The following RPS6KA5 variants were observed in gnomAD, a reference collection of about 807,000 sequenced individuals.
RPS6KA5 encodes ribosomal protein S6 kinase alpha-5.
In RPS6KA5, 27 loss-of-function variants were observed where a neutral mutation model predicts 85.5. That is an observed-to-expected ratio of 0.32 (90% CI 0.23 to 0.44). The LOEUF (loss-of-function observed/expected upper bound fraction) is 0.44. Ranked by LOEUF, RPS6KA5 falls within the 20% of genes least tolerant of loss-of-function variation. The pLI, the probability that RPS6KA5 is intolerant of heterozygous loss-of-function variation, is 1.00. For synonymous variants in RPS6KA5, 334 were observed against 348.2 expected (o/e 0.96, Z 0.46); for missense variants, 811 against 980.9 (o/e 0.83, Z 2.31).
chr14:91,001,753 T>C (rs1426519961), intron 1 of RPS6KA5, among the ~76,000 whole-genome samples: 1 of 152,244 alleles, frequency 6.6e-6, no homozygotes, highest in Non-Finnish European at 1.5e-5. Context: ...ATATAAACTC[T>C]TCAAAGATAT....
At chr14:90,891,941 GA>G (rs2034585517) in intron 13 of RPS6KA5, among the ~76,000 whole-genome samples, 1 of 151,794 alleles carries the variant, frequency 6.6e-6, no homozygotes, top group Admixed American at 6.6e-5. Context: ...TAAGTCTTTG[GA>G]AATGACCATG....
chr14:90,998,300 G>A (rs1813894856), intron 2 of RPS6KA5, among the ~76,000 whole-genome samples: 1 of 152,162 alleles, frequency 6.6e-6, no homozygotes, highest in Non-Finnish European at 1.5e-5. Flanking sequence ...TAAAATTGCT[G>A]CACAACTTTG....
chr14:90,900,815 T>C (rs954882791), intron 9 of RPS6KA5, 79 bp from the exon 10 acceptor site: 2 of 1,270,082 alleles, frequency 1.6e-6, no homozygotes, highest in Non-Finnish European at 2.1e-6. Context: ...GTAATGACTT[T>C]TTTTCCTTAG....
chr14:90,933,345 C>G (rs1243418538), intron 5 of RPS6KA5, among the ~76,000 whole-genome samples: 9 of 152,108 alleles, frequency 5.9e-5, no homozygotes, highest in Non-Finnish European at 1.5e-5. Flanking sequence ...CCTCTTGTAA[C>G]CCCAGATAGC....
intron 5 of RPS6KA5, among the ~76,000 whole-genome samples, chr14:90,933,223 A>C (rs58322998): frequency 0.042 from 6,408 of 152,270 alleles, 436 homozygotes; most frequent in African/African-American, 0.15. Flanking sequence ...CCAAATTCAT[A>C]GATCCAGACC....
intron 1 of RPS6KA5, among the ~76,000 whole-genome samples, chr14:91,004,230 C>A (rs1239620119): frequency 6.6e-6 from 1 of 152,176 alleles, no homozygotes; most frequent in Non-Finnish European, 1.5e-5. Context: ...GGCCTACAGG[C>A]GCCCGCCACC....
At position 90,851,576 on chromosome 14, in the gene RPS6KA5, G is replaced by A. The variant is rs993595103; in HGVS notation, c.*20498C>T. 1 of 151,974 alleles carries A rather than the reference G, an allele frequency of 6.6e-6. No individual in the cohort carries two copies. Among genetic ancestry groups the A allele is most frequent in the Non-Finnish European group, 1.5e-5 (1 of 68,012 alleles). 9.4% of individuals were successfully genotyped at this position (151,974 alleles called of 1,614,324 possible). On this transcript the variant is annotated 3_prime_UTR_variant, in exon 17 of 17. Coordinates refer to ENST00000614987, the MANE Select transcript of RPS6KA5 (RefSeq NM_004755.4). ...GGGTCACCAAGTCTGCAGCTAAGCT[G>A]GAAATAAAGTACCAAACTGCCTTTT...
chr14:91,060,332 C>G lies in RPS6KA5; in HGVS notation c.103G>C (p.Ala35Pro), dbSNP rs1190194033. ...GCCGGCAGAGGGCGGGGTCGCTCAC[C>G]AGTCCGCAGCTCGTGCTTGACAGTG... ...LLTVKHELRT[A>P]NLTGHAEKVG... The change falls in exon 1 of 17, where the codon GCT becomes CCT. Residue 35 changes from alanine (A) to proline (P), a missense_variant and splice_region_variant. Transcript: ENST00000614987. 7.3e-7 allele frequency: 1 copy of G among 1,375,736 alleles called. No individual in the cohort carries two copies. Among genetic ancestry groups the G allele is most frequent in the Non-Finnish European group, 9.5e-7 (1 of 1,054,896 alleles). The allele number at this position is 1,375,736 out of a possible 1,614,324, so 85.2% of individuals were successfully genotyped here.
intron 1 of RPS6KA5, among the ~76,000 whole-genome samples, chr14:91,043,937 T>A (rs1032823794): frequency 6.6e-6 from 1 of 152,120 alleles, no homozygotes; most frequent in South Asian, 2.1e-4. Flanking sequence ...AAGAAAATTA[T>A]CCAAGTAGGC....
chr14:90,978,359 A>C lies in RPS6KA5; in HGVS notation c.341T>G (p.Leu114Trp). ...VLEHIRQSPF[L>W]VTLHYAFQTE... The stretch of plus-strand genomic sequence containing the variant: ...CTGGAAAGCATAATGTAATGTTACC[A>C]AAAATGGCGACTGCCTAATGTGTTC... The change falls in exon 3 of 17, where the codon TTG becomes TGG. Residue 114 changes from leucine (L) to tryptophan (W), a missense_variant. This residue lies in a region of RPS6KA5 where 48 missense variants were observed against 87.6 expected (regional missense o/e 0.55). Transcript: ENST00000614987. 6.2e-7 allele frequency: 1 copy of C among 1,613,100 alleles called. No homozygotes were observed. The highest frequency in any genetic ancestry group is 8.5e-7 in the Non-Finnish European group (1 of 1,179,670).
At chr14:90,887,231 G>C (rs968648211) in intron 14 of RPS6KA5, among the ~76,000 whole-genome samples, 1 of 152,192 alleles carries the variant, frequency 6.6e-6, no homozygotes, top group South Asian at 2.1e-4. Flanking sequence ...ACCCACTGTG[G>C]AGTGTGGTAG....
intron 1 of RPS6KA5, among the ~76,000 whole-genome samples, chr14:91,030,436 G>A (rs1192157589): frequency 6.6e-6 from 1 of 151,956 alleles, no homozygotes; most frequent in Admixed American, 6.6e-5. Flanking sequence ...ACAAACTTGG[G>A]TAAAAGTTGT....
chr14:90,970,048 T>C (rs2039249657), intron 3 of RPS6KA5, among the ~76,000 whole-genome samples: 1 of 152,186 alleles, frequency 6.6e-6, no homozygotes, highest in Admixed American at 6.5e-5. Flanking sequence ...CTATCTAAAA[T>C]ATAGTCTTAA....
chr14:91,052,465 TAAA>T (rs71120103), intron 1 of RPS6KA5: 1,141 of 132,270 alleles, frequency 8.6e-3, no homozygotes, highest in South Asian at 0.034. Context: ...ACTCGTCTCT[TAAA>T]AAAAAAAAAA....
Position 90,864,784 on chromosome 14 carries a change from A to T in RPS6KA5, c.*7290T>A, listed in dbSNP as rs1335739634. The T allele has an allele frequency of 6.6e-6, 1 of 152,258 alleles. No homozygotes were observed. The highest frequency in any genetic ancestry group is 1.5e-5 in the Non-Finnish European group (1 of 68,050). 9.4% of individuals were successfully genotyped at this position (152,258 alleles called of 1,614,324 possible). A position where few individuals can be genotyped will look rare whatever the true frequency, so the allele number is the denominator to read the frequency against. On this transcript the variant is annotated 3_prime_UTR_variant, in exon 17 of 17. Coordinates refer to ENST00000614987, the MANE Select transcript of RPS6KA5 (RefSeq NM_004755.4). ...AAAAATATAAAAAGGTGTTCCACAC[A>T]TCACTACTTATCAGGAAAATACACC...
chr14:90,964,722 T>C (rs1287896075), intron 3 of RPS6KA5, among the ~76,000 whole-genome samples: 1 of 151,982 alleles, frequency 6.6e-6, no homozygotes, highest in East Asian at 1.9e-4. Context: ...ACAACCAGCC[T>C]GGGCAACATA....
chr14:90,881,561 C>T (rs1168549013), intron 14 of RPS6KA5, among the ~76,000 whole-genome samples: 1 of 152,024 alleles, frequency 6.6e-6, no homozygotes, highest in African/African-American at 2.4e-5. Context: ...AGTGCAATGG[C>T]ACAATGTTGG....
At chr14:90,944,097 A>T (rs1306191004) in intron 4 of RPS6KA5, among the ~76,000 whole-genome samples, 1 of 152,220 alleles carries the variant, frequency 6.6e-6, no homozygotes, top group Non-Finnish European at 1.5e-5. Context: ...GCATTTATAA[A>T]ACTTACTTTT....
intron 3 of RPS6KA5, among the ~76,000 whole-genome samples, chr14:90,963,266 G>A (rs1055546748): frequency 7.9e-5 from 12 of 152,256 alleles, no homozygotes; most frequent in African/African-American, 2.6e-4. Context: ...CCCTCACTAC[G>A]ACATCTCAGG....
Sources: allele counts gnomAD v4.1 joint callset (sites outside exome capture counted in the v4.1 genomes callset), GRCh38; gene constraint gnomAD v4.1.1; regional missense constraint gnomAD v4.1.1; transcripts MANE v1.5; gene names NCBI Gene and HGNC (gene_info 2026-07-23, HGNC 2026-07-21).